SLCO4A1: variants seen among roughly 807,000 people sequenced by gnomAD.
The protein encoded by SLCO4A1 is colon organic anion transporter.
In SLCO4A1, 51 loss-of-function variants were observed where a neutral mutation model predicts 64.6. That is an observed-to-expected ratio of 0.79 (90% CI 0.63 to 1.00). The LOEUF is 1.00. SLCO4A1 is among the 50% of genes least tolerant of loss of function. SLCO4A1 has a pLI of 0.00. For synonymous variants in SLCO4A1, 471 were observed against 444.9 expected (o/e 1.06, Z -0.74); for missense variants, 919 against 980.5 (o/e 0.94, Z 0.84).
intron 11 of SLCO4A1, 97 bp downstream of exon 11, chr20:62,669,175 G>C (rs1171630848): frequency 5.0e-6 from 6 of 1,196,462 alleles, no homozygotes; most frequent in Non-Finnish European, 7.2e-6. Flanking sequence ...CCACAGCCTA[G>C]TACATCACAG....
chr20:62,668,167 A>G lies in SLCO4A1; in HGVS notation c.1794A>G (p.Ala598=), dbSNP rs1253395806. Residue 598 remains alanine, a synonymous_variant, in exon 9 of 12, where the codon GCA becomes GCG. Coordinates refer to ENST00000217159, the MANE Select transcript of SLCO4A1 (RefSeq NM_016354.4). ...TTACATTCCTCAGCAGCATTCCTGC[A>G]CTAACGGCAACTCTACGGTAAGCTG... ...IFFTFLSSIP[A]LTATLRCVRD... is the part of the protein sequence containing the mutation. 2 of 1,613,872 alleles carry G rather than the reference A, an allele frequency of 1.2e-6. No homozygotes were observed. The highest frequency in any genetic ancestry group is 4.5e-5 in the East Asian group (2 of 44,886).
At chr20:62,664,276 G>A (rs1001188234) in intron 5 of SLCO4A1, among the ~76,000 whole-genome samples, 2 of 152,156 alleles carry the variant, frequency 1.3e-5, no homozygotes, top group Non-Finnish European at 2.9e-5. Context: ...AGGGCCACTG[G>A]CCCCCAAGTG....
At chr20:62,686,611 T>C (rs1988067301), downstream of SLCO4A1, among the ~76,000 whole-genome samples, 1 of 152,194 alleles carries the variant, frequency 6.6e-6, no homozygotes, top group Admixed American at 6.5e-5. Flanking sequence ...CAGATCTTGG[T>C]TTTGTTTTCT....
At position 62,657,168 on chromosome 20, in the gene SLCO4A1, C is replaced by T. The variant is rs774729438; in HGVS notation, c.714C>T (p.Gly238=). The T allele has an allele frequency of 3.9e-5, 60 of 1,556,466 alleles. No individual in the cohort carries two copies. Among genetic ancestry groups the T allele is most frequent in the Non-Finnish European group, 4.9e-5 (56 of 1,151,116 alleles). ...TCATGCTGGGCCAGTTCCTGCATGG[C>T]GTGGGTGCCACACCCCTCTACACGC... ...LVFMLGQFLH[G]VGATPLYTLG... The change falls in exon 2 of 12, where the codon GGC becomes GGT. Residue 238 remains glycine, a synonymous_variant. Coordinates refer to ENST00000217159, the MANE Select transcript of SLCO4A1 (RefSeq NM_016354.4).
At chr20:62,649,747 C>G (rs1982104520) in intron 1 of SLCO4A1, 1 of 152,592 alleles carries the variant, frequency 6.6e-6, no homozygotes, top group Non-Finnish European at 1.5e-5. Context: ...GCTGCCACTG[C>G]CCGGCCTTCC....
chr20:62,660,620 CT>C, intron 4 of SLCO4A1, 87 bp downstream of exon 4: 13 of 1,447,464 alleles, frequency 9.0e-6, no homozygotes, highest in Non-Finnish European at 1.2e-5. Flanking sequence ...CCTCTGCTGT[CT>C]TTTTCCCCGC....
downstream of SLCO4A1, among the ~76,000 whole-genome samples, chr20:62,673,555 C>G (rs1047907494): frequency 7.0e-6 from 1 of 142,842 alleles, no homozygotes; most frequent in Non-Finnish European, 1.6e-5. Context: ...TATTAGAGAC[C>G]ACGACACTGC....
intron 2 of SLCO4A1, among the ~76,000 whole-genome samples, chr20:62,683,739 G>A (rs922326249): frequency 6.6e-6 from 1 of 152,186 alleles, no homozygotes; most frequent in Non-Finnish European, 1.5e-5. Flanking sequence ...GGGCGACACC[G>A]TCTGGGTTTG....
intron 1 of SLCO4A1, chr20:62,643,322 TGCCCTAGACCG>T (rs781708964): frequency 1.7e-5 from 5 of 291,222 alleles, no homozygotes; most frequent in Non-Finnish European, 2.7e-5. Flanking sequence ...CAGGCTTAGC[TGCCCTAGACCG>T]GCCCTAGACC....
Position 62,645,158 on chromosome 20 carries a change from G to A in SLCO4A1, c.-97+2605G>A, listed in dbSNP as rs1326245097. 6.6e-6 allele frequency among the ~76,000 whole-genome samples: 1 copy of A among 152,216 alleles called. No homozygotes were observed. Among genetic ancestry groups the A allele is most frequent in the African/African-American group, 2.4e-5 (1 of 41,450 alleles). ...TGTCAGCTGACTTCAGGCAGGATCTGGGTCTTGCCCACTTGTTGGAATGGG... is the reference window on the plus strand; with the variant it reads ...TGTCAGCTGACTTCAGGCAGGATCTAGGTCTTGCCCACTTGTTGGAATGGG... On this transcript the variant is annotated intron_variant, in intron 1 of 11. Coordinates refer to ENST00000217159, the MANE Select transcript of SLCO4A1 (RefSeq NM_016354.4). The surrounding 1 kb of genome is among the most constrained non-coding windows in gnomAD (Gnocchi z 4.2).
downstream of SLCO4A1, among the ~76,000 whole-genome samples, chr20:62,690,456 C>T (rs947040114): frequency 1.3e-5 from 2 of 152,184 alleles, no homozygotes; most frequent in African/African-American, 4.8e-5. Flanking sequence ...TGCATGCTCT[C>T]ACTCCACGCC....
chr20:62,685,131 T>C lies in SLCO4A1; in HGVS notation n.212-310T>C, dbSNP rs11696171. Among the ~76,000 whole-genome samples, 149,671 of 151,872 alleles carry C rather than the reference T, an allele frequency of 0.99. 73,801 individuals are homozygous for C. The highest frequency in any genetic ancestry group is 1 in the East Asian group (5,150 of 5,150). ...ACCAGCCAGGGTCATAAAACACACA[T>C]GGTCAGAGCAGGGCACTCAGCTGCC... On this transcript the variant is annotated intron_variant and non_coding_transcript_variant, in intron 2 of 2. Coordinates refer to the SLCO4A1 transcript ENST00000466818. This position sits in a 1 kb window ranked among gnomAD's most constrained non-coding sequence, Gnocchi z 4.6.
At chr20:62,662,731 C>G (rs999697145) in intron 5 of SLCO4A1, among the ~76,000 whole-genome samples, 12 of 149,286 alleles carry the variant, frequency 8.0e-5, no homozygotes, top group Non-Finnish European at 1.5e-4. Flanking sequence ...CCCAGGGTGC[C>G]CACCCCAGCC....
rs147736708 is a variant in SLCO4A1, at chr20:62,658,733, G to A, written c.853G>A (p.Ala285Thr). The A allele has an allele frequency of 7.4e-5, 120 of 1,612,102 alleles. No individual in the cohort carries two copies. The African/African-American group carries it at 1.4e-3, about 19-fold the overall frequency. Reference protein sequence around the residue: ...GPAAGYLIGGALLNIYTEMGR... With the variant: ...GPAAGYLIGGTLLNIYTEMGR... ...AGCTGCCGGCTACCTGATTGGAGGTGCCCTGCTGAATATCTACACGGAAAT... is the reference window on the plus strand; with the variant it reads ...AGCTGCCGGCTACCTGATTGGAGGTACCCTGCTGAATATCTACACGGAAAT... The change falls in exon 3 of 12, where the codon GCC becomes ACC. Residue 285 changes from alanine to threonine, a missense_variant. Physicochemically the swap from Ala to Thr is moderately conservative, Grantham distance 58 (BLOSUM62 0). Coordinates refer to ENST00000217159, the MANE Select transcript of SLCO4A1 (RefSeq NM_016354.4).
In SLCO4A1 at chr20:62,666,566, A is replaced by ACCGC. The variant is rs770825776; in HGVS notation, c.1464_1465insCGCC (p.Gly489ArgfsTer65). Reference sequence around the variant, plus strand: ...CCCATGGCGGGCGTCACAGCCAGCTACGGCGGGAGGTGAGGGCCAGATGGC... The same window carrying ACCGC: ...CCCATGGCGGGCGTCACAGCCAGCTACCGCCGGCGGGAGGTGAGGGCCAGATGGC... On this transcript the variant is annotated frameshift_variant, in exon 7 of 12. Coordinates refer to ENST00000217159, the MANE Select transcript of SLCO4A1 (RefSeq NM_016354.4). LOFTEE classifies it high-confidence loss of function. The ACCGC allele has an allele frequency of 6.2e-7, 1 of 1,612,166 alleles. No homozygotes were observed. Among genetic ancestry groups the ACCGC allele is most frequent in the East Asian group, 2.2e-5 (1 of 44,872 alleles).
At chr20:62,667,690 G>A in intron 7 of SLCO4A1, 55 bp from the exon 8 acceptor site, 1 of 1,548,754 alleles carries the variant, frequency 6.5e-7, no homozygotes, top group African/African-American at 1.4e-5. Flanking sequence ...GTGCCTGCTG[G>A]GCGCCAGCAT....
At chr20:62,673,014 T>TC (rs1189419450), downstream of SLCO4A1, among the ~76,000 whole-genome samples, 5 of 142,792 alleles carry the variant, frequency 3.5e-5, 1 homozygote, top group East Asian at 1.0e-3. Flanking sequence ...TCGGTCAAGA[T>TC]CCCCCCCAAA....
chr20:62,661,041 C>CCCCCCCCCCCCCCG lies in SLCO4A1; in HGVS notation c.1010-23_1010-22insCCCCCCCCCCCCCG. 3 of 1,424,142 alleles carry CCCCCCCCCCCCCCG rather than the reference C, an allele frequency of 2.1e-6. No homozygotes were observed. Among genetic ancestry groups the CCCCCCCCCCCCCCG allele is most frequent in the African/African-American group, 1.4e-5 (1 of 71,932 alleles). The allele number at this position is 1,424,142 out of a possible 1,614,324, so 88.2% of individuals were successfully genotyped here. A position where few individuals can be genotyped will look rare whatever the true frequency, so the allele number is the denominator to read the frequency against. On this transcript the variant is annotated intron_variant, in intron 4 of 11. Coordinates refer to ENST00000217159, the MANE Select transcript of SLCO4A1 (RefSeq NM_016354.4). This position sits in a 1 kb window ranked among gnomAD's most constrained non-coding sequence, Gnocchi z 5.2. ...TCCGGGAGCCCCCAGCCCCCAGCCCCAGCTCACTCTGTGCCCTTCCAGGCT... is the reference window on the plus strand; with the variant it reads ...TCCGGGAGCCCCCAGCCCCCAGCCCCCCCCCCCCCCCCCGAGCTCACTCTGTGCCCTTCCAGGCT...
intron 2 of SLCO4A1, among the ~76,000 whole-genome samples, chr20:62,681,512 GTTTA>G (rs1484286303): frequency 9.0e-6 from 1 of 111,380 alleles, no homozygotes; most frequent in Non-Finnish European, 1.8e-5. Context: ...GTGTGCGCGT[GTTTA>G]TTAAGCCGTG....
Sources: allele counts gnomAD v4.1 joint callset (sites outside exome capture counted in the v4.1 genomes callset), GRCh38; gene constraint gnomAD v4.1.1; non-coding constraint Gnocchi (gnomAD v3.1); transcripts MANE v1.5; gene names NCBI Gene and HGNC (gene_info 2026-07-23, HGNC 2026-07-21).